SND1: variants seen among roughly 807,000 people sequenced by gnomAD.
The protein encoded by SND1 is staphylococcal nuclease domain-containing protein 1.
SND1 carries 38 observed loss-of-function variants against 121.7 expected under a neutral mutation model. That is an observed-to-expected ratio of 0.31 (90% CI 0.24 to 0.41). The LOEUF (loss-of-function observed/expected upper bound fraction) is 0.41. Ranked by LOEUF, SND1 falls within the 10% of genes least tolerant of loss-of-function variation. The pLI, the probability that SND1 is intolerant of heterozygous loss-of-function variation, is 1.00. For synonymous variants in SND1, 401 were observed against 447.4 expected (o/e 0.90, Z 1.31); for missense variants, 868 against 1,184.6 (o/e 0.73, Z 3.92).
intron 15 of SND1, among the ~76,000 whole-genome samples, chr7:127,936,866 C>T (rs1801072795): frequency 1.3e-5 from 2 of 152,098 alleles, no homozygotes; most frequent in South Asian, 4.2e-4. Flanking sequence ...TACCTAAAAG[C>T]CCCCAGTGGG....
intron 12 of SND1, among the ~76,000 whole-genome samples, chr7:127,866,578 A>G (rs541785643): frequency 2.6e-5 from 4 of 152,264 alleles, no homozygotes; most frequent in South Asian, 2.1e-4. Flanking sequence ...CCTCCACTCC[A>G]TGCACTCAAC....
chr7:127,703,013 TACCAG>T, intron 6 of SND1, 147 bp from the exon 7 acceptor site: 1 of 763,342 alleles, frequency 1.3e-6, no homozygotes, highest in Non-Finnish European at 2.2e-6. Flanking sequence ...AGTCCCTTTT[TACCAG>T]TGTGTTTTAA....
At chr7:127,659,785 G>GT (rs1173771229) in intron 1 of SND1, among the ~76,000 whole-genome samples, 33 of 152,202 alleles carry the variant, frequency 2.2e-4, no homozygotes, top group Non-Finnish European at 2.8e-4. Flanking sequence ...TTTGGGTAAT[G>GT]TTGGGTAAGA....
chr7:128,046,310 G>T (rs1434388545), intron 16 of SND1, among the ~76,000 whole-genome samples: 7 of 150,132 alleles, frequency 4.7e-5, no homozygotes, highest in Non-Finnish European at 8.9e-5. Context: ...TGTTGCCCAT[G>T]CTGGGTTTTT....
At chr7:127,969,768 T>G (rs1376249402) in intron 15 of SND1, among the ~76,000 whole-genome samples, 1 of 152,162 alleles carries the variant, frequency 6.6e-6, no homozygotes, top group Admixed American at 6.5e-5. Flanking sequence ...CTTTGTAAAT[T>G]CAGTGATATA....
chr7:127,744,702 A>C (rs1796946519), intron 10 of SND1, among the ~76,000 whole-genome samples: 1 of 152,214 alleles, frequency 6.6e-6, no homozygotes, highest in African/African-American at 2.4e-5. Context: ...GTCAGATGAT[A>C]ACCTTTAATC....
intron 12 of SND1, among the ~76,000 whole-genome samples, chr7:127,876,877 G>A (rs1011343872): frequency 6.6e-6 from 1 of 152,108 alleles, no homozygotes; most frequent in Non-Finnish European, 1.5e-5. Flanking sequence ...ACAAGTCTAT[G>A]CAGTTTCTTT....
At chr7:127,704,383 T>C (rs901196234) in intron 7 of SND1, among the ~76,000 whole-genome samples, 1 of 152,216 alleles carries the variant, frequency 6.6e-6, no homozygotes, top group African/African-American at 2.4e-5. Context: ...ACAGTGTGAA[T>C]TTTAATTCAC....
At chr7:127,735,557 G>T (rs1562995168) in intron 10 of SND1, among the ~76,000 whole-genome samples, 1 of 151,836 alleles carries the variant, frequency 6.6e-6, no homozygotes, top group Non-Finnish European at 1.5e-5. Context: ...CTATAAAAAA[G>T]AAAAATATAC....
At chr7:128,028,557 T>TA in intron 16 of SND1, 1 of 908,692 alleles carries the variant, frequency 1.1e-6, no homozygotes, top group Non-Finnish European at 1.6e-6. Context: ...CTGTTTTTTT[T>TA]AACCAGCCCA....
At chr7:127,664,047 C>T (rs1217761661) in intron 1 of SND1, among the ~76,000 whole-genome samples, 3 of 151,826 alleles carry the variant, frequency 2.0e-5, no homozygotes, top group South Asian at 2.1e-4. Context: ...TTGCTTTTTT[C>T]GAGACAAGGT....
intron 10 of SND1, among the ~76,000 whole-genome samples, chr7:127,796,278 T>A (rs1798024345): frequency 6.6e-6 from 1 of 152,172 alleles, no homozygotes; most frequent in Non-Finnish European, 1.5e-5. Context: ...TGGTATAAAG[T>A]TGCAGTGATA....
At chr7:127,935,517 G>C (rs1261446101) in intron 15 of SND1, among the ~76,000 whole-genome samples, 1 of 152,212 alleles carries the variant, frequency 6.6e-6, no homozygotes, top group East Asian at 1.9e-4. Flanking sequence ...TGAAGAGAAG[G>C]AATCAGGAAA....
chr7:128,039,354 T>G, intron 16 of SND1, among the ~76,000 whole-genome samples: 1 of 152,218 alleles, frequency 6.6e-6, no homozygotes, highest in East Asian at 1.9e-4. Flanking sequence ...AGTTTATTAT[T>G]TCAGAGGGAT....
intron 15 of SND1, among the ~76,000 whole-genome samples, chr7:127,965,467 G>C (rs1180363110): frequency 7.3e-5 from 2 of 27,422 alleles, no homozygotes; most frequent in African/African-American, 1.8e-4. Flanking sequence ...TAGCATGAAG[G>C]GTTGTTGAAT....
intron 11 of SND1, among the ~76,000 whole-genome samples, chr7:127,815,284 A>G (rs1198897890): frequency 6.6e-6 from 1 of 152,136 alleles, no homozygotes; most frequent in African/African-American, 2.4e-5. Context: ...ATTAAGTGAT[A>G]CTGGATTATG....
At chr7:127,677,862 A>T (rs1795642545) in intron 1 of SND1, among the ~76,000 whole-genome samples, 1 of 152,264 alleles carries the variant, frequency 6.6e-6, no homozygotes, top group Non-Finnish European at 1.5e-5. Context: ...AGTAGGCTGT[A>T]GTTCGCCAAT....
At position 127,703,092 on chromosome 7, in the gene SND1, G is replaced by A; in HGVS notation, c.682-73G>A. ...TCGTGGCATGTGTGTTTTTTGGAAG[G>A]CTTAGTGTGGGGCGAGAGTGCCTAG... is the stretch of plus-strand genomic sequence containing the variant. On this transcript the variant is annotated intron_variant, in intron 6 of 23. Coordinates refer to ENST00000354725, the MANE Select transcript of SND1 (RefSeq NM_014390.4). 4 of 1,551,930 alleles carry A rather than the reference G, an allele frequency of 2.6e-6. No individual in the cohort carries two copies. The South Asian group carries it at 3.5e-5, about 13-fold the overall frequency.
chr7:127,835,451 C>G (rs1798849243), intron 11 of SND1, among the ~76,000 whole-genome samples: 1 of 151,990 alleles, frequency 6.6e-6, no homozygotes, highest in Admixed American at 6.6e-5. Context: ...GAAAAAAGAC[C>G]CACCCTCAAC....
Sources: gnomAD v4.1 joint callset for allele counts (sites outside exome capture counted in the v4.1 genomes callset) on GRCh38, gnomAD v4.1.1 for gene constraint, MANE v1.5 for transcripts, NCBI Gene and HGNC (gene_info 2026-07-23, HGNC 2026-07-21) for gene names.